The following CUX1 variants were observed in gnomAD, a reference collection of about 807,000 sequenced individuals.
The protein encoded by CUX1 is protein CASP.
Under a neutral mutation model 158.8 loss-of-function variants are expected in CUX1, and 31 were observed. The observed-to-expected ratio is 0.20, with a 90% CI of 0.15 to 0.26. CUX1 has a LOEUF of 0.26. CUX1 is among the 10% of genes least tolerant of loss of function. The pLI, the probability that CUX1 is intolerant of heterozygous loss-of-function variation, is 1.00. For missense variants in CUX1, 1,589 were observed against 2,014.6 expected (o/e 0.79, Z 4.04); for synonymous variants, 879 against 862.1 (o/e 1.02, Z -0.34).
At chr7:102,003,321 CA>C (rs1816929460) in intron 2 of CUX1, among the ~76,000 whole-genome samples, 1 of 151,466 alleles carries the variant, frequency 6.6e-6, no homozygotes, top group African/African-American at 2.4e-5. Context: ...CACACACACA[CA>C]CACACACACA....
chr7:101,905,451 A>G (rs1802645379), intron 1 of CUX1, among the ~76,000 whole-genome samples: 1 of 152,206 alleles, frequency 6.6e-6, no homozygotes, highest in East Asian at 1.9e-4. Context: ...CCCATCTTAC[A>G]GACTCCAGAT....
intron 2 of CUX1, among the ~76,000 whole-genome samples, chr7:101,950,895 G>C (rs1040763293): frequency 2.0e-5 from 3 of 152,052 alleles, no homozygotes; most frequent in African/African-American, 7.2e-5. Context: ...CCCTGTCCTG[G>C]TGCACACTCT....
intron 1 of CUX1, among the ~76,000 whole-genome samples, chr7:101,880,301 A>C (rs537302654): frequency 6.6e-6 from 1 of 152,316 alleles, no homozygotes; most frequent in South Asian, 2.1e-4. Flanking sequence ...TCGGAAGTTC[A>C]CGTTCTTGAG....
At chr7:102,040,550 G>A (rs866207113) in intron 3 of CUX1, among the ~76,000 whole-genome samples, 94 of 152,144 alleles carry the variant, frequency 6.2e-4, no homozygotes, top group Admixed American at 3.3e-4. Context: ...CATGGGCACC[G>A]GCAGGATGAT....
In CUX1 at chr7:102,115,219, C is replaced by T; in HGVS notation, c.620C>T (p.Thr207Ile). The T allele has an allele frequency of 1.2e-6, 2 of 1,608,594 alleles. No homozygotes were observed. Among genetic ancestry groups the T allele is most frequent in the Non-Finnish European group, 8.5e-7 (1 of 1,178,760 alleles). ...VQSLQTALEK[T>I]RTELFDLKTK... ...CTTTGCCTTTCAGCCCTGGAAAAAA[C>T]TCGAACAGAATTATTTGACCTGAAA... The change falls in exon 8 of 24, where the codon ACT (threonine) becomes ATT (isoleucine). Residue 207 changes from threonine (T) to isoleucine (I), a missense_variant. By Grantham distance (89) the Thr-to-Ile change is moderately conservative (BLOSUM62 -1). This residue lies in a region of CUX1 where 515 missense variants were observed against 574.4 expected (regional missense o/e 0.90). Transcript: ENST00000292535.
chr7:102,162,673 C>T (rs1790578216), intron 9 of CUX1, among the ~76,000 whole-genome samples: 1 of 152,188 alleles, frequency 6.6e-6, no homozygotes, highest in African/African-American at 2.4e-5. Context: ...TGCCACCACA[C>T]CCAGCTAATT....
rs199551667 is a variant in CUX1, at chr7:102,201,441, G to A, written c.2144G>A (p.Arg715Gln). The change falls in exon 18 of 24, where the codon CGG becomes CAG. Residue 715 changes from arginine (R) to glutamine (Q), a missense_variant. Physicochemically the swap from Arg to Gln is conservative, Grantham distance 43. Around this residue, in one of 8 missense-constraint regions of CUX1, gnomAD observed 337 missense variants for 409.3 expected, o/e 0.82. Transcript: ENST00000292535. The surrounding 1 kb of genome is among the most constrained non-coding windows in gnomAD (Gnocchi z 5.0). The part of the protein sequence containing the change: ...AIRSILQQAR[R>Q]EMEAQQAALD... ...CGCTCCATCCTGCAGCAAGCCCGCCGGGAGATGGAGGCCCAGCAGGCTGCC... is the reference window on the plus strand; with the variant it reads ...CGCTCCATCCTGCAGCAAGCCCGCCAGGAGATGGAGGCCCAGCAGGCTGCC... 41 of 1,613,968 alleles carry A rather than the reference G, an allele frequency of 2.5e-5. No individual in the cohort carries two copies. Among genetic ancestry groups the A allele is most frequent in the East Asian group, 4.5e-5 (2 of 44,886 alleles).
chr7:101,927,607 G>A (rs144987077), intron 2 of CUX1, among the ~76,000 whole-genome samples: 312 of 152,168 alleles, frequency 2.1e-3, no homozygotes, highest in African/African-American at 7.0e-3. Context: ...CTATGATTGC[G>A]TCACTGCACC....
rs1431042812 is a variant in CUX1, at chr7:102,256,859, G to A, written c.*7817G>A. On this transcript the variant is annotated 3_prime_UTR_variant, in exon 24 of 24. Coordinates refer to ENST00000292535, the MANE Select transcript of CUX1 (RefSeq NM_181552.4). ...GGCCCGCATGGGTTGATACGTTTTG[G>A]TTGGTTTTTTGTTGTTGTTTTTCTT... The A allele has an allele frequency of 3.0e-6, 3 of 985,366 alleles. No homozygotes were observed. In the Admixed American group the frequency reaches 1.8e-4, roughly 61 times the overall value. The allele number at this position is 985,366 out of a possible 1,614,324, so 61.0% of individuals were successfully genotyped here. A position where few individuals can be genotyped will look rare whatever the true frequency, so the allele number is the denominator to read the frequency against.
chr7:101,981,946 T>G (rs116952166), intron 2 of CUX1, among the ~76,000 whole-genome samples: 1,916 of 151,272 alleles, frequency 0.013, 18 homozygotes, highest in Non-Finnish European at 0.018. Context: ...ACCAGGGAGG[T>G]TTCGCTCAGC....
intron 1 of CUX1, among the ~76,000 whole-genome samples, chr7:101,833,683 T>G (rs1295665436): frequency 6.6e-6 from 1 of 151,782 alleles, no homozygotes; most frequent in Non-Finnish European, 1.5e-5. Flanking sequence ...AAACCATTAC[T>G]GTGCTGTAGT....
At chr7:102,097,601 T>G in intron 5 of CUX1, 100 bp downstream of exon 5, 1 of 1,236,198 alleles carries the variant, frequency 8.1e-7, no homozygotes, top group South Asian at 1.6e-5. Flanking sequence ...CAGCTCTCCT[T>G]GTAATATACA....
rs553809685 is a variant in CUX1, at chr7:102,254,820, C to T, written c.*5778C>T. 1,218 of 985,394 alleles carry T rather than the reference C, an allele frequency of 1.2e-3. 1 individual carries two copies. The highest frequency in any genetic ancestry group is 1.4e-3 in the Non-Finnish European group (1,124 of 829,934). The allele number at this position is 985,394 out of a possible 1,614,324, so 61.0% of individuals were successfully genotyped here. ...AGCGTGTACTGAATGCCAGTCTGGC[C>T]GGCACACTCGAACGCTAAGAGAATG... On this transcript the variant is annotated 3_prime_UTR_variant, in exon 24 of 24. Coordinates refer to ENST00000292535, the MANE Select transcript of CUX1 (RefSeq NM_181552.4).
chr7:102,148,476 G>A (rs1835249658), intron 8 of CUX1, among the ~76,000 whole-genome samples: 1 of 152,060 alleles, frequency 6.6e-6, no homozygotes, highest in African/African-American at 2.4e-5. Context: ...CCCGAAGGCA[G>A]AGGTTGCAGT....
intron 1 of CUX1, among the ~76,000 whole-genome samples, chr7:101,837,098 C>T (rs1188256048): frequency 7.2e-5 from 11 of 152,206 alleles, no homozygotes; most frequent in African/African-American, 2.2e-4. Flanking sequence ...TTGCCGTGCA[C>T]GGCTTTGGCT....
chr7:102,251,738 GTCA>G lies in CUX1; in HGVS notation c.*2701_*2703del. ...TCCACAAAACCCTCAAGGGACTTTT[GTCA>G]TCATGTGTGATGAATCTTTAAATAT... On this transcript the variant is annotated 3_prime_UTR_variant, in exon 24 of 24. Transcript: ENST00000292535. 1.0e-6 allele frequency: 1 copy of G among 985,378 alleles called. No homozygotes were observed. The highest frequency in any genetic ancestry group is 1.2e-6 in the Non-Finnish European group (1 of 829,914). 61.0% of individuals were successfully genotyped at this position (985,378 alleles called of 1,614,324 possible). A position where few individuals can be genotyped will look rare whatever the true frequency, so the allele number is the denominator to read the frequency against.
At chr7:101,998,977 C>G (rs1245579184) in intron 2 of CUX1, among the ~76,000 whole-genome samples, 1 of 152,138 alleles carries the variant, frequency 6.6e-6, no homozygotes, top group African/African-American at 2.4e-5. Flanking sequence ...TGCAGCATTT[C>G]CCTCCTCGGG....
chr7:102,044,910 A>G (rs546989728), intron 3 of CUX1, among the ~76,000 whole-genome samples: 1 of 152,264 alleles, frequency 6.6e-6, no homozygotes, highest in South Asian at 2.1e-4. Context: ...AGGGACCCTA[A>G]CACAGCCTGC....
At chr7:102,117,979 C>G (rs1344600840) in intron 8 of CUX1, among the ~76,000 whole-genome samples, 1 of 152,166 alleles carries the variant, frequency 6.6e-6, no homozygotes, top group Non-Finnish European at 1.5e-5. Flanking sequence ...AGAGAATGGC[C>G]TGAGAGAATT....
Sources: gnomAD v4.1 joint callset for allele counts (sites outside exome capture counted in the v4.1 genomes callset) on GRCh38, gnomAD v4.1.1 for gene constraint, gnomAD v4.1.1 regional missense constraint, Gnocchi (gnomAD v3.1) non-coding constraint, MANE v1.5 for transcripts, NCBI Gene and HGNC (gene_info 2026-07-23, HGNC 2026-07-21) for gene names.